The following C1orf21 variants were observed in gnomAD, a reference collection of about 807,000 sequenced individuals.
C1orf21 encodes uncharacterized protein C1orf21.
In C1orf21, 3 loss-of-function variants were observed where a neutral mutation model predicts 18.7. That is an observed-to-expected ratio of 0.16 (90% CI 0.07 to 0.42). The LOEUF is 0.42. C1orf21 is among the 10% of genes least tolerant of loss of function. The pLI, the probability that C1orf21 is intolerant of heterozygous loss-of-function variation, is 0.99. For synonymous variants in C1orf21, 41 were observed against 46.4 expected, an observed-to-expected ratio of 0.88 and a Z score of 0.47; for missense variants, 104 against 143.6, an observed-to-expected ratio of 0.72 and a Z score of 1.41.
chr1:184,524,067 T>A (rs1418773127), intron 3 of C1orf21, among the ~76,000 whole-genome samples: 1 of 152,198 alleles, frequency 6.6e-6, no homozygotes, highest in East Asian at 1.9e-4. Flanking sequence ...TATAAACAAC[T>A]AGTATCTTTT....
At chr1:184,554,399 G>A (rs1205233399) in intron 3 of C1orf21, among the ~76,000 whole-genome samples, 1 of 152,198 alleles carries the variant, frequency 6.6e-6, no homozygotes, top group Admixed American at 6.5e-5. Flanking sequence ...TTGAAGCAGA[G>A]TAAGGTATGG....
intron 3 of C1orf21, among the ~76,000 whole-genome samples, chr1:184,537,671 A>G (rs1658579939): frequency 6.6e-6 from 1 of 151,838 alleles, no homozygotes; most frequent in Admixed American, 6.6e-5. Flanking sequence ...TTTTTTTGAG[A>G]CAGAGTCTCA....
intron 3 of C1orf21, among the ~76,000 whole-genome samples, chr1:184,577,746 A>G (rs909352953): frequency 6.6e-6 from 1 of 152,188 alleles, no homozygotes; most frequent in South Asian, 2.1e-4. Context: ...AAGTTTAGCA[A>G]TTCTGCACAA....
At chr1:184,495,198 C>T (rs1444439534) in intron 2 of C1orf21, among the ~76,000 whole-genome samples, 1 of 152,184 alleles carries the variant, frequency 6.6e-6, no homozygotes, top group Non-Finnish European at 1.5e-5. Context: ...ACCTCCCTTT[C>T]ACCTGGCTCT....
At chr1:184,467,656 C>G (rs1199426158) in intron 1 of C1orf21, among the ~76,000 whole-genome samples, 1 of 152,222 alleles carries the variant, frequency 6.6e-6, no homozygotes, top group Non-Finnish European at 1.5e-5. Context: ...AACCTCTCAT[C>G]TGTCTTGACC....
At chr1:184,497,350 T>G (rs1657908145) in intron 2 of C1orf21, among the ~76,000 whole-genome samples, 1 of 152,234 alleles carries the variant, frequency 6.6e-6, no homozygotes, top group South Asian at 2.1e-4. Flanking sequence ...GAGGGGAAAA[T>G]AAGTTGGTGA....
At chr1:184,451,462 A>ATTTTTTTTTTT (rs374550435) in intron 1 of C1orf21, among the ~76,000 whole-genome samples, 1 of 77,794 alleles carries the variant, frequency 1.3e-5, no homozygotes. Context: ...GGCTAATTTA[A>ATTTTTTTTTTT]TTTTTTTTTT....
chr1:184,518,974 G>T (rs1476155008), intron 3 of C1orf21, among the ~76,000 whole-genome samples: 2 of 152,020 alleles, frequency 1.3e-5, no homozygotes, highest in African/African-American at 4.8e-5. Flanking sequence ...ATAACGAAGT[G>T]GTTTGGGAGG....
intron 1 of C1orf21, among the ~76,000 whole-genome samples, chr1:184,394,183 G>C (rs932842963): frequency 6.6e-6 from 1 of 152,206 alleles, no homozygotes; most frequent in Non-Finnish European, 1.5e-5. Context: ...AATATCCTGA[G>C]TGCTTTAGGG....
intron 3 of C1orf21, among the ~76,000 whole-genome samples, chr1:184,513,595 T>G (rs771713041): frequency 3.2e-4 from 49 of 152,376 alleles, no homozygotes; most frequent in Non-Finnish European, 6.3e-4. Context: ...CCTGGATGGC[T>G]GGTAGGCTAT....
intron 1 of C1orf21, among the ~76,000 whole-genome samples, chr1:184,417,851 C>T (rs1656479001): frequency 6.6e-6 from 1 of 152,150 alleles, no homozygotes. Context: ...GTATAGAAGA[C>T]ATAATCAATG....
chr1:184,479,480 A>G (rs995477630), intron 2 of C1orf21, among the ~76,000 whole-genome samples: 1 of 152,182 alleles, frequency 6.6e-6, no homozygotes. Context: ...ACATACTTGG[A>G]AACTGAACAC....
chr1:184,464,262 G>A (rs1436389668), intron 1 of C1orf21, among the ~76,000 whole-genome samples: 1 of 152,226 alleles, frequency 6.6e-6, no homozygotes, highest in Non-Finnish European at 1.5e-5. Context: ...CTCTCAAGGA[G>A]TTTGCATTCC....
chr1:184,557,986 G>T (rs1020968136), intron 3 of C1orf21, among the ~76,000 whole-genome samples: 5 of 152,078 alleles, frequency 3.3e-5, no homozygotes, highest in Non-Finnish European at 7.4e-5. Context: ...AGGTTTCATT[G>T]TGATAAACCC....
chr1:184,425,005 A>T (rs1310045416), intron 1 of C1orf21, among the ~76,000 whole-genome samples: 1 of 152,192 alleles, frequency 6.6e-6, no homozygotes, highest in Admixed American at 6.5e-5. Context: ...TAAAAAACTT[A>T]GGTGGAGGTC....
At position 184,406,471 on chromosome 1, in the gene C1orf21, G is replaced by C. The variant is rs570287529; in HGVS notation, c.-125+19103G>C. On this transcript the variant is annotated intron_variant, in intron 1 of 5. Coordinates refer to ENST00000235307, the MANE Select transcript of C1orf21 (RefSeq NM_030806.4). ...AAATTTGTATTAGAGTTTGTGGTAG[G>C]CTATTTATTAAGTGGCATAGAGGAT... 1.2e-4 allele frequency among the ~76,000 whole-genome samples: 19 copies of C among 152,250 alleles called. No homozygotes were observed. In the South Asian group the frequency reaches 3.3e-3, roughly 27 times the overall value.
At chr1:184,517,364 G>T (rs1005272168) in intron 3 of C1orf21, among the ~76,000 whole-genome samples, 1 of 152,060 alleles carries the variant, frequency 6.6e-6, no homozygotes, top group Non-Finnish European at 1.5e-5. Flanking sequence ...CTGTGTAAAG[G>T]TTGTTCCTGA....
chr1:184,454,699 ATGCTGAC>A (rs1037866052), intron 1 of C1orf21, among the ~76,000 whole-genome samples: 4 of 152,082 alleles, frequency 2.6e-5, no homozygotes, highest in African/African-American at 9.7e-5. Flanking sequence ...CTTCTAGGAC[ATGCTGAC>A]TCCCCCTTTG....
chr1:184,498,476 T>C (rs1243115224), intron 2 of C1orf21, among the ~76,000 whole-genome samples: 4 of 152,176 alleles, frequency 2.6e-5, no homozygotes, highest in Non-Finnish European at 4.4e-5. Flanking sequence ...AATGATCATA[T>C]AATTTCCTAA....
Sources: gnomAD v4.1 joint callset for allele counts (sites outside exome capture counted in the v4.1 genomes callset) on GRCh38, gnomAD v4.1.1 for gene constraint, MANE v1.5 for transcripts, NCBI Gene and HGNC (gene_info 2026-07-23, HGNC 2026-07-21) for gene names.